Variants in BPI observed in about 807,000 individuals in gnomAD.
BPI encodes the protein bactericidal permeability increasing protein.
BPI carries 48 observed loss-of-function variants against 57.6 expected under a neutral mutation model. The ratio of observed to expected loss-of-function variants is 0.83; its 90% CI spans 0.66 to 1.06. The LOEUF is 1.06. BPI is among the 50% of genes least tolerant of loss of function. BPI has a pLI of 0.00. For missense variants in BPI, 651 were observed against 609.7 expected (o/e 1.07, Z -0.71); for synonymous variants, 237 against 238.2 (o/e 0.99, Z 0.05).
At chr20:38,319,009 C>A (rs965230158) in intron 6 of BPI, among the ~76,000 whole-genome samples, 1 of 152,126 alleles carries the variant, frequency 6.6e-6, no homozygotes, top group African/African-American at 2.4e-5. Flanking sequence ...CCAAGGCAGG[C>A]GGACCACCTG....
intron 7 of BPI, among the ~76,000 whole-genome samples, chr20:38,322,427 A>G (rs1053235977): frequency 2.0e-5 from 3 of 152,250 alleles, no homozygotes; most frequent in Non-Finnish European, 4.4e-5. Flanking sequence ...AGAGTTGATC[A>G]CTGACAACCA....
At chr20:38,329,936 T>A (rs1290193056) in intron 11 of BPI, among the ~76,000 whole-genome samples, 1 of 152,148 alleles carries the variant, frequency 6.6e-6, no homozygotes, top group East Asian at 1.9e-4. Context: ...AGTCTTGAAC[T>A]CCTGACTTCA....
chr20:38,304,161 A>G lies in BPI; in HGVS notation c.-63A>G. On this transcript the variant is annotated 5_prime_UTR_variant, in exon 1 of 15. Coordinates refer to ENST00000642449, the MANE Select transcript of BPI (RefSeq NM_001725.3). ...TTGCATTTCCCCAGCCGACTCTTTT[A>G]TAGCTCCCTGGTTCAACCTCAAGGC... is the stretch of plus-strand genomic sequence containing the variant. 2.5e-6 allele frequency: 4 copies of G among 1,605,768 alleles called. No individual in the cohort carries two copies. The highest frequency in any genetic ancestry group is 3.4e-6 in the Non-Finnish European group (4 of 1,174,076).
At position 38,324,006 on chromosome 20, in the gene BPI, A is replaced by G. The variant is rs1397113207; in HGVS notation, c.893A>G (p.Gln298Arg). 6.2e-7 allele frequency: 1 copy of G among 1,614,044 alleles called. No individual in the cohort carries two copies. Among genetic ancestry groups the G allele is most frequent in the East Asian group, 2.2e-5 (1 of 44,884 alleles). Residue 298 changes from glutamine to arginine, a missense_variant, in exon 8 of 15, where the codon CAA (glutamine) becomes CGA (arginine). Gln to Arg is a conservative substitution (Grantham distance 43, BLOSUM62 1). Transcript: ENST00000642449. Reference sequence around the variant, plus strand: ...TTCAACACAGCCGGGCTTGTATACCAAGAGGCTGGGGTCTTGAAGATGACC... The same window carrying G: ...TTCAACACAGCCGGGCTTGTATACCGAGAGGCTGGGGTCTTGAAGATGACC... ...YFFNTAGLVY[Q>R]EAGVLKMTLR...
chr20:38,332,813 A>G (rs1037630446), intron 12 of BPI, among the ~76,000 whole-genome samples: 3 of 152,116 alleles, frequency 2.0e-5, no homozygotes, highest in African/African-American at 7.2e-5. Flanking sequence ...GGCATTGATG[A>G]CGAGTTGCCC....
Position 38,312,623 on chromosome 20 carries a change from G to T in BPI, c.600+686G>T, listed in dbSNP as rs138116763. ...AGGTTTTATGCAAATGGGTGACTTG[G>T]CCAGATCTGTGCTTTACAACAATTT... On this transcript the variant is annotated intron_variant, in intron 5 of 14. Coordinates refer to ENST00000642449, the MANE Select transcript of BPI (RefSeq NM_001725.3). 3.9e-5 allele frequency among the ~76,000 whole-genome samples: 6 copies of T among 152,320 alleles called. No homozygotes were observed. In the East Asian group the frequency reaches 1.2e-3, roughly 29 times the overall value.
chr20:38,328,703 G>A (rs971825408), intron 11 of BPI, among the ~76,000 whole-genome samples: 2 of 151,496 alleles, frequency 1.3e-5, no homozygotes, highest in African/African-American at 4.9e-5. Flanking sequence ...AATGCAGAAA[G>A]AGAGAAATAC....
At chr20:38,322,236 G>T (rs1217333106) in intron 7 of BPI, among the ~76,000 whole-genome samples, 1 of 151,990 alleles carries the variant, frequency 6.6e-6, no homozygotes, top group Non-Finnish European at 1.5e-5. Context: ...CCTTGCAATC[G>T]TGTCTCTGTC....
intron 8 of BPI, 114 bp downstream of exon 8, chr20:38,324,160 C>A: frequency 7.8e-7 from 1 of 1,282,724 alleles, no homozygotes; most frequent in Non-Finnish European, 1.1e-6. Context: ...AAAGTGTTGA[C>A]TCTAGAGTCA....
rs142265253 is a variant in BPI, at chr20:38,323,933, C to T, written c.820C>T (p.Pro274Ser). ...PPFAPPVMEF[P>S]AAHDRMVYLG... ...CTTTGCTCCACCAGTGATGGAGTTT[C>T]CCGCTGCCCATGACCGCATGGTATA... The change falls in exon 8 of 15, where the codon CCC becomes TCC. Residue 274 changes from proline (P) to serine (S), a missense_variant. Coordinates refer to ENST00000642449, the MANE Select transcript of BPI (RefSeq NM_001725.3). The T allele has an allele frequency of 5.7e-4, 915 of 1,614,184 alleles. No homozygotes were observed. Among genetic ancestry groups the T allele is most frequent in the South Asian group, 8.3e-4 (76 of 91,072 alleles).
chr20:38,327,081 C>G (rs2076717238), intron 10 of BPI, among the ~76,000 whole-genome samples: 1 of 152,130 alleles, frequency 6.6e-6, no homozygotes, highest in Non-Finnish European at 1.5e-5. Context: ...TTGGTGGCAC[C>G]CATATGGCCA....
chr20:38,312,570 C>T (rs1600700333), intron 5 of BPI, among the ~76,000 whole-genome samples: 1 of 152,232 alleles, frequency 6.6e-6, no homozygotes, highest in Non-Finnish European at 1.5e-5. Context: ...AGTTTTGCCT[C>T]TCTCCAGAGG....
intron 11 of BPI, 29 bp downstream of exon 11, chr20:38,327,684 GC>G: frequency 6.2e-7 from 1 of 1,607,814 alleles, no homozygotes; most frequent in Non-Finnish European, 8.5e-7. Flanking sequence ...GGAGGAGGGG[GC>G]TGCCCCTCTG....
Position 38,310,510 on chromosome 20 carries a change from G to T in BPI, c.394G>T (p.Asp132Tyr). ...CTTCAGAAAAATGAGCGGCAATTTTGACCTGAGCATAGAAGGCATGTCCAT... is the reference window on the plus strand; with the variant it reads ...CTTCAGAAAAATGAGCGGCAATTTTTACCTGAGCATAGAAGGCATGTCCAT... Reference protein sequence around the residue: ...KRFLKMSGNFDLSIEGMSISA... With the variant: ...KRFLKMSGNFYLSIEGMSISA... Residue 132 changes from aspartate (D) to tyrosine (Y), a missense_variant, in exon 4 of 15, where the codon GAC (aspartate) becomes TAC (tyrosine). Physicochemically the swap from Asp to Tyr is radical, Grantham distance 160 (BLOSUM62 -3). Coordinates refer to ENST00000642449, the MANE Select transcript of BPI (RefSeq NM_001725.3). The T allele has an allele frequency of 6.2e-7, 1 of 1,613,474 alleles. No individual in the cohort carries two copies. Among genetic ancestry groups the T allele is most frequent in the Non-Finnish European group, 8.5e-7 (1 of 1,179,506 alleles).
chr20:38,320,116 C>T, intron 6 of BPI, 67 bp from the exon 7 acceptor site: 1 of 1,304,118 alleles, frequency 7.7e-7, no homozygotes, highest in African/African-American at 1.5e-5. Flanking sequence ...GGATTCTGAT[C>T]CTGCATTTCA....
At position 38,331,170 on chromosome 20, in the gene BPI, T is replaced by A. The variant is rs150987507; in HGVS notation, c.1272+80T>A. 10,523 of 1,483,180 alleles carry A rather than the reference T, an allele frequency of 7.1e-3. 68 individuals are homozygous for A. The highest frequency in any genetic ancestry group is 8.4e-3 in the Non-Finnish European group (8,988 of 1,066,798). 91.9% of individuals were successfully genotyped at this position (1,483,180 alleles called of 1,614,324 possible). A position where few individuals can be genotyped will look rare whatever the true frequency, so the allele number is the denominator to read the frequency against. On this transcript the variant is annotated intron_variant, in intron 12 of 14. Coordinates refer to ENST00000642449, the MANE Select transcript of BPI (RefSeq NM_001725.3). ...GGGGACATGTCATAGGCTCAAGGCA[T>A]TATTTAAGAGGCTACTGGCTCATTT...
At chr20:38,336,343 C>T (rs1489545342) in intron 14 of BPI, among the ~76,000 whole-genome samples, 1 of 152,116 alleles carries the variant, frequency 6.6e-6, no homozygotes, top group African/African-American at 2.4e-5. Context: ...GCTTAGCTGC[C>T]ACCTGCGTGC....
chr20:38,322,755 C>T lies in BPI; in HGVS notation c.757-1115C>T, dbSNP rs564684877. On this transcript the variant is annotated intron_variant, in intron 7 of 14. Transcript: ENST00000642449. ...CCTCCGGTCACTGGGATTACAGGCTCCCGCCACCACGCCTGGCTAATTTTT... is the reference window on the plus strand; with the variant it reads ...CCTCCGGTCACTGGGATTACAGGCTTCCGCCACCACGCCTGGCTAATTTTT... Among the ~76,000 whole-genome samples the T allele has an allele frequency of 5.6e-4, 86 of 152,244 alleles. 1 individual carries two copies. The highest frequency in any genetic ancestry group is 1.9e-3 in the African/African-American group (80 of 41,534).
chr20:38,326,412 T>C lies in BPI; in HGVS notation c.1141T>C (p.Ser381Pro). The C allele has an allele frequency of 6.2e-7, 1 of 1,613,824 alleles. No individual in the cohort carries two copies. Among genetic ancestry groups the C allele is most frequent in the East Asian group, 2.2e-5 (1 of 44,866 alleles). ...FAVLPNSSLASLFLIGMHTTG... is the reference protein window; with the variant it reads ...FAVLPNSSLAPLFLIGMHTTG... ...CGTCCTCCCCAACTCCTCCCTGGCT[T>C]CCCTCTTCCTGATTGGCATGGTAAG... The change falls in exon 10 of 15, where the codon TCC becomes CCC. Residue 381 changes from serine to proline, a missense_variant. Transcript: ENST00000642449.
Sources: gnomAD v4.1 joint callset for allele counts (sites outside exome capture counted in the v4.1 genomes callset) on GRCh38, gnomAD v4.1.1 for gene constraint, MANE v1.5 for transcripts, NCBI Gene and HGNC (gene_info 2026-07-23, HGNC 2026-07-21) for gene names.